The following DMD variants were observed in gnomAD, a reference collection of about 807,000 sequenced individuals.
The protein encoded by DMD is dystrophin, also known as mutant dystrophin.
Under a neutral mutation model 330.1 loss-of-function variants are expected in DMD, and 63 were observed. That is an observed-to-expected ratio of 0.19 (90% CI 0.16 to 0.24). The LOEUF is 0.24. DMD is among the 10% of genes least tolerant of loss of function. The probability of loss-of-function intolerance (pLI) is 1.00; values close to 1 mark genes in which losing one functional copy is unlikely to be tolerated. For synonymous variants in DMD, 1,223 were observed against 959.8 expected (o/e 1.27, Z -5.07); for missense variants, 3,344 against 2,684.1 (o/e 1.25, Z -5.43).
At chrX:32,233,134 C>G (rs774012947) in intron 43 of DMD, among the ~76,000 whole-genome samples, 1 of 112,119 alleles carries the variant, frequency 8.9e-6, no homozygotes, top group African/African-American at 3.2e-5. Flanking sequence ...CTATCTCTAT[C>G]AATGGGCAAT....
At chrX:33,255,214 C>G (rs1284866630) in intron 1 of DMD, among the ~76,000 whole-genome samples, 1 of 110,742 alleles carries the variant, frequency 9.0e-6, no homozygotes, top group Non-Finnish European at 1.9e-5. Flanking sequence ...TCATATTTAA[C>G]AAATCTAAGT....
intron 52 of DMD, among the ~76,000 whole-genome samples, chrX:31,716,613 T>C (rs2085069382): frequency 9.0e-6 from 1 of 111,104 alleles, no homozygotes; most frequent in African/African-American, 3.3e-5. Flanking sequence ...GCCTTTTATC[T>C]TTCTAAAACG....
chrX:32,191,970 GTT>G (rs1211200600), intron 44 of DMD, among the ~76,000 whole-genome samples: 1 of 111,929 alleles, frequency 8.9e-6, no homozygotes, highest in Non-Finnish European at 1.9e-5. Context: ...AAACATTACA[GTT>G]AAAACTGAGG....
intron 60 of DMD, among the ~76,000 whole-genome samples, chrX:31,370,112 A>G (rs1204344062): frequency 9.2e-6 from 1 of 108,889 alleles, no homozygotes; most frequent in African/African-American, 3.3e-5. Flanking sequence ...AAAAAAAAAA[A>G]AAAAGAACAG....
intron 21 of DMD, among the ~76,000 whole-genome samples, chrX:32,478,815 G>A (rs1414552874): frequency 5.4e-5 from 6 of 111,423 alleles, no homozygotes. Context: ...AGGGCACTTG[G>A]TGTGGTCTGA....
At chrX:31,470,265 G>A (rs1393061037) in intron 59 of DMD, among the ~76,000 whole-genome samples, 8 of 111,426 alleles carry the variant, frequency 7.2e-5, no homozygotes, top group Non-Finnish European at 1.5e-4. Flanking sequence ...CCGGTTTTTG[G>A]AATTTTCAGG....
rs142625893 is a variant in DMD, at chrX:32,546,439, G to A, written c.1993-1105C>T. ...TTGCCAAGAGGTAAGGGAAGGGTTTGTAGTAATCTCCCTGCCTCATACACG... is the reference window on the plus strand; with the variant it reads ...TTGCCAAGAGGTAAGGGAAGGGTTTATAGTAATCTCCCTGCCTCATACACG... On this transcript the variant is annotated intron_variant, in intron 16 of 78. Transcript: ENST00000357033. Among the ~76,000 whole-genome samples, 969 of 110,202 alleles carry A rather than the reference G, an allele frequency of 8.8e-3. 12 individuals are homozygous for A. Among genetic ancestry groups the A allele is most frequent in the African/African-American group, 0.031 (930 of 30,348 alleles).
intron 44 of DMD, among the ~76,000 whole-genome samples, chrX:32,071,975 C>G (rs948320330): frequency 3.6e-5 from 4 of 111,748 alleles, no homozygotes; most frequent in Non-Finnish European, 7.5e-5. Context: ...ATTCTGTTGG[C>G]ATTTATCAGA....
intron 51 of DMD, among the ~76,000 whole-genome samples, chrX:31,747,352 A>G (rs912763914): frequency 3.8e-4 from 43 of 112,000 alleles, no homozygotes; most frequent in East Asian, 2.5e-3. Context: ...TTATTGGAGA[A>G]CGTAAAAATT....
intron 78 of DMD, among the ~76,000 whole-genome samples, chrX:31,124,713 G>A (rs1020290360): frequency 8.9e-6 from 1 of 111,832 alleles, no homozygotes; most frequent in African/African-American, 3.2e-5. Context: ...TCAAGTTGGC[G>A]CTAACTGCAA....
chrX:32,226,317 G>T (rs1021083634), intron 43 of DMD, among the ~76,000 whole-genome samples: 1 of 111,624 alleles, frequency 9.0e-6, no homozygotes, highest in African/African-American at 3.3e-5. Flanking sequence ...TGGGCCTTTT[G>T]CTGTATTTTA....
chrX:32,352,311 C>T (rs761912709), intron 37 of DMD, among the ~76,000 whole-genome samples: 13 of 110,456 alleles, frequency 1.2e-4, no homozygotes, highest in African/African-American at 4.2e-4. Context: ...TATAGTAGTG[C>T]AGCTCAATAG....
At chrX:31,284,534 T>C (rs955717403) in intron 62 of DMD, among the ~76,000 whole-genome samples, 4 of 106,492 alleles carry the variant, frequency 3.8e-5, no homozygotes, top group African/African-American at 1.4e-4. Context: ...AACTCCTTCT[T>C]TAAGAACTGC....
At chrX:32,793,860 T>C (rs2075998724) in intron 7 of DMD, among the ~76,000 whole-genome samples, 1 of 111,135 alleles carries the variant, frequency 9.0e-6, no homozygotes, top group African/African-American at 3.3e-5. Context: ...CCAAGAAAAA[T>C]TGAAGAGGAA....
chrX:31,281,741 C>A (rs1311085244), intron 62 of DMD, among the ~76,000 whole-genome samples: 1 of 111,363 alleles, frequency 9.0e-6, no homozygotes, highest in Non-Finnish European at 1.9e-5. Flanking sequence ...GCACTTCTAA[C>A]AAATTAGACC....
Position 32,450,869 on chromosome X carries a change from A to G in DMD, c.3604-2231T>C, listed in dbSNP as rs143072398. ...TTAGACTTCATATATTCTTGGTTTAATAAGAGGCTCAGATCTTGGGAAAGG... is the reference window on the plus strand; with the variant it reads ...TTAGACTTCATATATTCTTGGTTTAGTAAGAGGCTCAGATCTTGGGAAAGG... On this transcript the variant is annotated intron_variant, in intron 26 of 78. Coordinates refer to ENST00000357033, the MANE Select transcript of DMD (RefSeq NM_004006.3). Among the ~76,000 whole-genome samples the G allele has an allele frequency of 9.3e-3, 1,035 of 111,204 alleles. 8 individuals are homozygous for G. The highest frequency in any genetic ancestry group is 0.016 in the Non-Finnish European group (836 of 52,596).
At chrX:31,208,376 T>C (rs763068251) in intron 65 of DMD, among the ~76,000 whole-genome samples, 6 of 112,289 alleles carry the variant, frequency 5.3e-5, no homozygotes, top group Non-Finnish European at 9.4e-5. Flanking sequence ...TGTCACCAAA[T>C]ACTTTTCAGT....
At chrX:32,724,603 C>A (rs2066670268) in intron 7 of DMD, among the ~76,000 whole-genome samples, 1 of 111,414 alleles carries the variant, frequency 9.0e-6, no homozygotes, top group African/African-American at 3.3e-5. Flanking sequence ...GAACAGTGAT[C>A]CAATTGTACA....
chrX:31,482,510 G>A (rs772245840), intron 57 of DMD, among the ~76,000 whole-genome samples: 1 of 110,808 alleles, frequency 9.0e-6, no homozygotes, highest in East Asian at 2.9e-4. Flanking sequence ...ATTTCAAGGA[G>A]AGAGTGAGAA....
Sources: gnomAD v4.1 joint callset for allele counts (sites outside exome capture counted in the v4.1 genomes callset) on GRCh38, gnomAD v4.1.1 for gene constraint, MANE v1.5 for transcripts, NCBI Gene and HGNC (gene_info 2026-07-23, HGNC 2026-07-21) for gene names.